Variants in STAU2 observed in about 807,000 individuals in gnomAD.
STAU2 encodes the protein double-stranded RNA-binding protein Staufen homolog 2.
Under a neutral mutation model 65.9 loss-of-function variants are expected in STAU2, and 20 were observed. The observed-to-expected ratio is 0.30, with a 90% CI of 0.21 to 0.44. The LOEUF is 0.44. Among genes scored for constraint, STAU2 ranks in the 20% least tolerant of loss-of-function variants. The pLI, the probability that STAU2 is intolerant of heterozygous loss-of-function variation, is 1.00. For synonymous variants in STAU2, 232 were observed against 233.9 expected (o/e 0.99, Z 0.07); for missense variants, 558 against 683.9 (o/e 0.82, Z 2.05).
chr8:73,586,326 A>G (rs1810365060), intron 11 of STAU2, among the ~76,000 whole-genome samples: 2 of 152,186 alleles, frequency 1.3e-5, no homozygotes, highest in South Asian at 4.1e-4. Flanking sequence ...GGGCTGAAAC[A>G]GAAAGATTTG....
intron 13 of STAU2, among the ~76,000 whole-genome samples, chr8:73,516,550 G>C (rs1182875606): frequency 6.6e-6 from 1 of 152,100 alleles, no homozygotes; most frequent in South Asian, 2.1e-4. Flanking sequence ...GAAACAAAGA[G>C]AGTAGGCCAA....
chr8:73,676,303 G>C (rs910360472), intron 5 of STAU2, among the ~76,000 whole-genome samples: 5 of 152,128 alleles, frequency 3.3e-5, no homozygotes, highest in African/African-American at 1.2e-4. Context: ...CACTGCAGAG[G>C]GGAATGGACT....
In STAU2 at chr8:73,499,758, T is replaced by G. The variant is rs557994156; in HGVS notation, c.1530+52254A>C. Among the ~76,000 whole-genome samples, 9 of 151,738 alleles carry G rather than the reference T, an allele frequency of 5.9e-5. No individual in the cohort carries two copies. In the East Asian group the frequency reaches 1.8e-3, roughly 30 times the overall value. ...GACTGTGTTAGAATTAGGGAGACAT[T>G]TGTAAGTTGAGGGAAAGGTGTCACT... On this transcript the variant is annotated intron_variant, in intron 13 of 14. Coordinates refer to ENST00000524300, the MANE Select transcript of STAU2 (RefSeq NM_001164380.2).
intron 3 of STAU2, among the ~76,000 whole-genome samples, chr8:73,724,613 C>T (rs552698266): frequency 6.0e-5 from 9 of 150,706 alleles, no homozygotes; most frequent in Non-Finnish European, 1.3e-4. Context: ...GTTCTGAGCA[C>T]ATTTAAGGTA....
chr8:73,460,961 T>A (rs1359984486), intron 13 of STAU2, among the ~76,000 whole-genome samples: 4 of 152,028 alleles, frequency 2.6e-5, no homozygotes, highest in Non-Finnish European at 5.9e-5. Flanking sequence ...GTTTCTGGGG[T>A]GTGCCTGCTC....
At chr8:73,425,913 C>T (rs1361083959) in intron 13 of STAU2, among the ~76,000 whole-genome samples, 1 of 152,158 alleles carries the variant, frequency 6.6e-6, no homozygotes, top group East Asian at 1.9e-4. Context: ...GCACCTCAGC[C>T]TCCTGAGTAG....
intron 4 of STAU2, among the ~76,000 whole-genome samples, chr8:73,701,590 G>A (rs1395811176): frequency 3.9e-5 from 6 of 152,088 alleles, no homozygotes; most frequent in Non-Finnish European, 5.9e-5. Context: ...ATAAATGCTG[G>A]CAAGGTTGTG....
At chr8:73,453,799 T>TA (rs915048132) in intron 13 of STAU2, among the ~76,000 whole-genome samples, 37 of 152,208 alleles carry the variant, frequency 2.4e-4, no homozygotes, top group African/African-American at 7.9e-4. Context: ...AAAAAAAAGA[T>TA]ACAAAGCTAC....
chr8:73,632,792 T>TTC lies in STAU2; in HGVS notation c.411-15342_411-15341insGA, dbSNP rs1434141645. 3.3e-5 allele frequency among the ~76,000 whole-genome samples: 5 copies of TTC among 152,224 alleles called. No homozygotes were observed. The East Asian group carries it at 9.6e-4, about 29-fold the overall frequency. ...TGAAGAGCTAAACTTATAATCTTAG[T>TTC]TGTCACTTGACTCTTGTTTAATCAA... is the stretch of plus-strand genomic sequence containing the variant. On this transcript the variant is annotated intron_variant, in intron 6 of 14. Transcript: ENST00000524300.
rs1192198995 is a variant in STAU2, at chr8:73,654,718, G to T, written c.410+18389C>A. Among the ~76,000 whole-genome samples, 260 of 85,990 alleles carry T rather than the reference G, an allele frequency of 3.0e-3. 2 individuals are homozygous for T. The Middle Eastern group carries it at 0.038, about 13-fold the overall frequency. The allele number at this position is 85,990 out of a possible 152,430, so 56.4% of individuals were successfully genotyped here. A position where few individuals can be genotyped will look rare whatever the true frequency, so the allele number is the denominator to read the frequency against. ...TTTTTTTTTTTTGAGACGGAGTTTC[G>T]CTCTGTCGCCCAGGCTGGAGTGCAG... is the stretch of plus-strand genomic sequence containing the variant. On this transcript the variant is annotated intron_variant, in intron 6 of 14. Coordinates refer to ENST00000524300, the MANE Select transcript of STAU2 (RefSeq NM_001164380.2).
At chr8:73,712,826 C>T (rs932270955) in intron 3 of STAU2, among the ~76,000 whole-genome samples, 1 of 152,148 alleles carries the variant, frequency 6.6e-6, no homozygotes, top group Non-Finnish European at 1.5e-5. Flanking sequence ...TGTCATGGCA[C>T]ATGCCTGTAC....
intron 5 of STAU2, among the ~76,000 whole-genome samples, chr8:73,685,873 T>A (rs1043222563): frequency 6.6e-6 from 1 of 152,178 alleles, no homozygotes; most frequent in Non-Finnish European, 1.5e-5. Context: ...AGCAGCACAA[T>A]TCACAATTGC....
intron 13 of STAU2, among the ~76,000 whole-genome samples, chr8:73,484,306 TG>T (rs1820798565): frequency 6.6e-6 from 1 of 152,156 alleles, no homozygotes; most frequent in Non-Finnish European, 1.5e-5. Flanking sequence ...TACAGAGGAT[TG>T]GAATCTAGTT....
chr8:73,494,892 T>C (rs1247296635), intron 13 of STAU2, among the ~76,000 whole-genome samples: 1 of 151,644 alleles, frequency 6.6e-6, no homozygotes, highest in Non-Finnish European at 1.5e-5. Context: ...TTTACATGCA[T>C]GTGGAAGGAA....
In STAU2 at chr8:73,532,633, T is replaced by C. The variant is rs556152910; in HGVS notation, c.1530+19379A>G. ...ACAGAGCGAGACCCTGTCTCAAAAA[T>C]ATAAAAAATTTTAAAAATGAGAGTC... On this transcript the variant is annotated intron_variant, in intron 13 of 14. Coordinates refer to ENST00000524300, the MANE Select transcript of STAU2 (RefSeq NM_001164380.2). 1.1e-4 allele frequency among the ~76,000 whole-genome samples: 17 copies of C among 152,190 alleles called. No homozygotes were observed. The South Asian group carries it at 3.5e-3, about 32-fold the overall frequency.
rs1478571113 is a variant in STAU2 at position 73,503,910 on chromosome 8, C to G, written c.1530+48102G>C. ...CCAACCTTAGGGAGGGACTCAGTTT[C>G]TATTAGAATGAAAGCAATAGTCTGC... On this transcript the variant is annotated intron_variant, in intron 13 of 14. Transcript: ENST00000524300. Among the ~76,000 whole-genome samples, 5 of 151,906 alleles carry G rather than the reference C, an allele frequency of 3.3e-5. No homozygotes were observed. The East Asian group carries it at 9.7e-4, about 29-fold the overall frequency.
At chr8:73,486,214 C>T (rs983883870) in intron 13 of STAU2, among the ~76,000 whole-genome samples, 2 of 151,928 alleles carry the variant, frequency 1.3e-5, no homozygotes, top group Non-Finnish European at 2.9e-5. Flanking sequence ...CCAGGGGCTG[C>T]CATTAGTAAA....
At chr8:73,626,769 A>G (rs1813673790) in intron 6 of STAU2, among the ~76,000 whole-genome samples, 1 of 152,196 alleles carries the variant, frequency 6.6e-6, no homozygotes, top group Non-Finnish European at 1.5e-5. Flanking sequence ...ATCGCTGCTC[A>G]TTCCAACTGG....
chr8:73,483,689 G>T (rs1408480703), intron 13 of STAU2, among the ~76,000 whole-genome samples: 1 of 152,118 alleles, frequency 6.6e-6, no homozygotes, highest in Non-Finnish European at 1.5e-5. Context: ...CCTTGAAGAA[G>T]TTGGCACAAC....
Sources: gnomAD v4.1 joint callset for allele counts (sites outside exome capture counted in the v4.1 genomes callset) on GRCh38, gnomAD v4.1.1 for gene constraint, MANE v1.5 for transcripts, NCBI Gene and HGNC (gene_info 2026-07-23, HGNC 2026-07-21) for gene names.